SLC4A8: variants seen among roughly 807,000 people sequenced by gnomAD.
SLC4A8 encodes electroneutral sodium bicarbonate exchanger 1.
SLC4A8 carries 40 observed loss-of-function variants against 125.0 expected under a neutral mutation model. The ratio of observed to expected loss-of-function variants is 0.32; its 90% CI spans 0.25 to 0.42. SLC4A8 has a LOEUF of 0.42. Ranked by LOEUF, SLC4A8 falls within the 10% of genes least tolerant of loss-of-function variation. The pLI is 1.00. For synonymous variants in SLC4A8, 456 were observed against 476.0 expected (o/e 0.96, Z 0.55); for missense variants, 863 against 1,355.1 (o/e 0.64, Z 5.70).
chr12:51,424,705 C>A (rs966494914), upstream of SLC4A8: 5 of 436,388 alleles, frequency 1.1e-5, no homozygotes, highest in Admixed American at 1.3e-4. Context: ...GGCCCGGGAG[C>A]GGTTGGCTCC....
chr12:51,424,054 C>CAAAAAAAAAAA (rs1334821004), upstream of SLC4A8, among the ~76,000 whole-genome samples: 7 of 77,426 alleles, frequency 9.0e-5, no homozygotes, highest in Admixed American at 1.6e-4. Flanking sequence ...AAAAAAAAAA[C>CAAAAAAAAAAA]AAAAAAAACA....
intron 1 of SLC4A8, among the ~76,000 whole-genome samples, chr12:51,413,426 C>T (rs2137976406): frequency 6.6e-6 from 1 of 152,012 alleles, no homozygotes; most frequent in Non-Finnish European, 1.5e-5. Flanking sequence ...TAATATAGTC[C>T]CATTTGTCTA....
intron 17 of SLC4A8, 103 bp from the exon 18 acceptor site, chr12:51,488,596 C>A: frequency 1.0e-5 from 8 of 762,558 alleles, no homozygotes; most frequent in Non-Finnish European, 9.9e-6. Flanking sequence ...TTAAGAACCT[C>A]ACTCAAGAAT....
intron 1 of SLC4A8, among the ~76,000 whole-genome samples, chr12:51,416,641 T>TCAAAA (rs201716830): frequency 0.04 from 6,092 of 152,068 alleles, 377 homozygotes; most frequent in African/African-American, 0.14. Context: ...AGACTCTGTC[T>TCAAAA]CAAAACAAAA....
At chr12:51,497,163 A>T (rs1229963606) in intron 22 of SLC4A8, 39 bp downstream of exon 22, 1 of 1,580,138 alleles carries the variant, frequency 6.3e-7, no homozygotes, top group East Asian at 2.2e-5. Flanking sequence ...TGGGGGCCTC[A>T]AATTACAGAA....
rs1317388716 is a variant in SLC4A8 at position 51,471,456 on chromosome 12, A to G, written c.1828A>G (p.Ile610Val). 1 of 1,614,190 alleles carries G rather than the reference A, an allele frequency of 6.2e-7. No individual in the cohort carries two copies. The highest frequency in any genetic ancestry group is 1.1e-5 in the South Asian group (1 of 91,082). ...LICIIFIYEAIEKLIHLAETY... is the reference protein window; with the variant it reads ...LICIIFIYEAVEKLIHLAETY... Reference sequence around the variant, plus strand: ...TTGCATTATTTTCATCTATGAAGCAATAGAAAAACTGATTCACCTGGCAGA... The same window carrying G: ...TTGCATTATTTTCATCTATGAAGCAGTAGAAAAACTGATTCACCTGGCAGA... Residue 610 changes from isoleucine (I) to valine (V), a missense_variant, in exon 14 of 25, where the codon ATA becomes GTA. By Grantham distance (29) the Ile-to-Val change is conservative. Transcript: ENST00000453097.
rs1248612255 is a variant in SLC4A8, at chr12:51,452,254, A to G, written c.408A>G (p.Thr136=). The G allele has an allele frequency of 1.9e-6, 3 of 1,614,112 alleles. No homozygotes were observed. The African/African-American group carries it at 4.0e-5, about 22-fold the overall frequency. Residue 136 remains threonine, a synonymous_variant, in exon 4 of 25, where the codon ACA becomes ACG. Transcript: ENST00000453097. ...GAGAAGATGCTGAGTGGAAGGAAAC[A>G]GCCAGGTGAGGCCCTAAAATGGCCT... ...KEGEDAEWKE[T]ARWLKFEEDV...
chr12:51,514,448 G>T lies in SLC4A8; in HGVS notation c.*7010G>T, dbSNP rs1938467415. ...ACCTCTCTTTTCTGCCTTTTCCTCA[G>T]TCTGTCAAGTTCTTTGGAGGAAAGA... On this transcript the variant is annotated 3_prime_UTR_variant, in exon 25 of 25. Transcript: ENST00000453097. 6.6e-6 allele frequency: 1 copy of T among 152,362 alleles called. No homozygotes were observed. The highest frequency in any genetic ancestry group is 2.4e-5 in the African/African-American group (1 of 41,404). 9.4% of individuals were successfully genotyped at this position (152,362 alleles called of 1,614,324 possible).
chr12:51,407,347 C>T (rs1948507328), intron 1 of SLC4A8, among the ~76,000 whole-genome samples: 1 of 152,146 alleles, frequency 6.6e-6, no homozygotes, highest in Admixed American at 6.5e-5. Flanking sequence ...TAGCCTGGAA[C>T]TCTTAGGCTC....
chr12:51,471,835 G>A (rs1043206495), intron 14 of SLC4A8, among the ~76,000 whole-genome samples: 4 of 152,216 alleles, frequency 2.6e-5, no homozygotes, highest in African/African-American at 9.6e-5. Flanking sequence ...GGGAGAATTT[G>A]AGTTAGTTAT....
intron 24 of SLC4A8, among the ~76,000 whole-genome samples, 200 bp from the exon 25 acceptor site, chr12:51,507,226 T>C (rs763902601): frequency 6.6e-6 from 1 of 152,244 alleles, no homozygotes; most frequent in Non-Finnish European, 1.5e-5. Flanking sequence ...ATATAGAATC[T>C]TGTTTCCTTC....
chr12:51,455,214 C>T (rs192473412), intron 5 of SLC4A8, among the ~76,000 whole-genome samples: 315 of 150,750 alleles, frequency 2.1e-3, no homozygotes, highest in Non-Finnish European at 3.6e-3. Flanking sequence ...TCTTTCTACA[C>T]AGACACAGTA....
intron 5 of SLC4A8, among the ~76,000 whole-genome samples, chr12:51,455,562 G>A (rs539800205): frequency 2.0e-4 from 31 of 152,312 alleles, no homozygotes; most frequent in African/African-American, 7.0e-4. Flanking sequence ...TTCCTGATGT[G>A]ATTGAGTGTT....
chr12:51,488,637 T>A, intron 17 of SLC4A8, 62 bp from the exon 18 acceptor site: 1 of 1,256,834 alleles, frequency 8.0e-7, no homozygotes, highest in Non-Finnish European at 1.1e-6. Context: ...TGATCCAGTT[T>A]GATATGTTTT....
intron 1 of SLC4A8, among the ~76,000 whole-genome samples, chr12:51,408,440 C>T (rs1336319052): frequency 6.6e-6 from 1 of 151,940 alleles, no homozygotes; most frequent in Non-Finnish European, 1.5e-5. Flanking sequence ...TTTCTCCATG[C>T]TGGCCAGGCT....
Position 51,509,925 on chromosome 12 carries a change from T to C in SLC4A8, c.*2487T>C, listed in dbSNP as rs974850567. Reference sequence around the variant, plus strand: ...GAATTTGGGTGGTTTTGCCACGAGGTGATGGTTGGGGTTGGGCGAATGGGT... The same window carrying C: ...GAATTTGGGTGGTTTTGCCACGAGGCGATGGTTGGGGTTGGGCGAATGGGT... On this transcript the variant is annotated 3_prime_UTR_variant, in exon 25 of 25. Transcript: ENST00000453097. 1.3e-5 allele frequency: 2 copies of C among 152,208 alleles called. No homozygotes were observed. Among genetic ancestry groups the C allele is most frequent in the Non-Finnish European group, 2.9e-5 (2 of 68,054 alleles). The allele number at this position is 152,208 out of a possible 1,614,324, so 9.4% of individuals were successfully genotyped here. A position where few individuals can be genotyped will look rare whatever the true frequency, so the allele number is the denominator to read the frequency against.
intron 21 of SLC4A8, 91 bp downstream of exon 21, chr12:51,495,209 G>T: frequency 8.9e-7 from 1 of 1,118,746 alleles, no homozygotes. Flanking sequence ...ATTTTTAAGT[G>T]TACAGTTGAG....
intron 2 of SLC4A8, among the ~76,000 whole-genome samples, chr12:51,447,778 G>A (rs1351114243): frequency 2.7e-5 from 4 of 148,756 alleles, no homozygotes; most frequent in South Asian, 2.2e-4. Context: ...GTGCAGTGGC[G>A]CGATCTCTGC....
intron 1 of SLC4A8, among the ~76,000 whole-genome samples, chr12:51,392,312 G>A (rs1948138522): frequency 6.6e-6 from 1 of 152,144 alleles, no homozygotes; most frequent in Non-Finnish European, 1.5e-5. Flanking sequence ...GGTGGTTCAT[G>A]CCTGTAATCC....
Sources: gnomAD v4.1 joint callset for allele counts (sites outside exome capture counted in the v4.1 genomes callset) on GRCh38, gnomAD v4.1.1 for gene constraint, MANE v1.5 for transcripts, NCBI Gene and HGNC (gene_info 2026-07-23, HGNC 2026-07-21) for gene names.